ADCY2: variants seen among roughly 807,000 people sequenced by gnomAD.
ADCY2 encodes adenylate cyclase type 2.
A neutral mutation model predicts 125.2 loss-of-function variants in ADCY2; 31 were observed. The observed-to-expected ratio is 0.25, with a 90% CI of 0.19 to 0.33. The LOEUF (loss-of-function observed/expected upper bound fraction) is 0.33. Ranked by LOEUF, ADCY2 falls within the 10% of genes least tolerant of loss-of-function variation. ADCY2 has a pLI of 1.00. For missense variants in ADCY2, 904 were observed against 1,418.2 expected, an observed-to-expected ratio of 0.64 and a Z score of 5.82; for synonymous variants, 512 against 548.4, an observed-to-expected ratio of 0.93 and a Z score of 0.93.
At chr5:7,416,812 T>A (rs984482270) in intron 2 of ADCY2, among the ~76,000 whole-genome samples, 2 of 152,172 alleles carry the variant, frequency 1.3e-5, no homozygotes, top group Admixed American at 1.3e-4. Context: ...ACAGTTAAGA[T>A]CCTGCTGGTC....
chr5:7,708,647 C>T (rs1741340859), intron 9 of ADCY2, among the ~76,000 whole-genome samples: 3 of 152,162 alleles, frequency 2.0e-5, no homozygotes, highest in African/African-American at 7.2e-5. Flanking sequence ...ACAAGATCAA[C>T]TTTATGGACA....
intron 2 of ADCY2, among the ~76,000 whole-genome samples, chr5:7,425,298 G>A (rs147335840): frequency 6.6e-6 from 1 of 152,336 alleles, no homozygotes; most frequent in Non-Finnish European, 1.5e-5. Flanking sequence ...CAATGGAGGT[G>A]TTTTTGATGG....
At chr5:7,433,900 A>G (rs1475993465) in intron 2 of ADCY2, among the ~76,000 whole-genome samples, 1 of 152,202 alleles carries the variant, frequency 6.6e-6, no homozygotes, top group African/African-American at 2.4e-5. Context: ...TCAGATTCCT[A>G]CTTCTGTCAT....
intron 3 of ADCY2, among the ~76,000 whole-genome samples, chr5:7,589,506 G>GAAAGAAAGAAAAGA (rs530283052): frequency 1.4e-3 from 127 of 93,850 alleles, no homozygotes; most frequent in Middle Eastern, 5.0e-3. Flanking sequence ...AAGAAAGAAA[G>GAAAGAAAGAAAAGA]AAAGAAAAGA....
intron 2 of ADCY2, among the ~76,000 whole-genome samples, chr5:7,434,421 T>C (rs1376689741): frequency 2.0e-5 from 3 of 152,238 alleles, no homozygotes; most frequent in African/African-American, 7.2e-5. Context: ...GCAGATGTAG[T>C]AGGCTGTGTG....
intron 3 of ADCY2, among the ~76,000 whole-genome samples, chr5:7,572,052 T>C (rs1736082082): frequency 6.6e-6 from 1 of 152,200 alleles, no homozygotes; most frequent in South Asian, 2.1e-4. Context: ...GACGGGCATT[T>C]AGTTTGATTC....
chr5:7,700,940 T>C (rs1741057855), intron 7 of ADCY2, among the ~76,000 whole-genome samples: 1 of 152,004 alleles, frequency 6.6e-6, no homozygotes, highest in African/African-American at 2.4e-5. Context: ...GTGTGAGAAA[T>C]AGCCATAATT....
At chr5:7,401,902 G>A (rs1739276181) in intron 1 of ADCY2, among the ~76,000 whole-genome samples, 1 of 152,196 alleles carries the variant, frequency 6.6e-6, no homozygotes, top group Non-Finnish European at 1.5e-5. Context: ...TACTCCACTG[G>A]TATATGGGTT....
At chr5:7,798,573 C>CTTTTTTTT (rs150114974) in intron 20 of ADCY2, 2 of 115,344 alleles carry the variant, frequency 1.7e-5, no homozygotes, top group Non-Finnish European at 1.7e-5. Flanking sequence ...TTGACTATTT[C>CTTTTTTTT]TTTTTTTTTT....
intron 14 of ADCY2, among the ~76,000 whole-genome samples, chr5:7,738,481 A>G (rs1489300058): frequency 6.6e-6 from 1 of 152,092 alleles, no homozygotes; most frequent in Non-Finnish European, 1.5e-5. Flanking sequence ...TTGAAGTAGT[A>G]GCAACAAATG....
chr5:7,442,789 C>A (rs1432964959), intron 2 of ADCY2, among the ~76,000 whole-genome samples: 3 of 152,194 alleles, frequency 2.0e-5, no homozygotes, highest in African/African-American at 7.2e-5. Context: ...ACTTTCTCAA[C>A]AACTGCTAAT....
At chr5:7,788,702 A>ATG (rs1744158827) in intron 19 of ADCY2, among the ~76,000 whole-genome samples, 1 of 152,150 alleles carries the variant, frequency 6.6e-6, no homozygotes, top group Admixed American at 6.5e-5. Context: ...ATCTGTGTGC[A>ATG]TGTGTGTGTG....
At chr5:7,403,937 T>TACACACAC (rs370540720) in intron 1 of ADCY2, among the ~76,000 whole-genome samples, 2,528 of 140,502 alleles carry the variant, frequency 0.018, 35 homozygotes, top group African/African-American at 0.045. Flanking sequence ...CTTTCAATGC[T>TACACACAC]ACACACACAC....
chr5:7,825,452 C>T (rs1376024485), intron 24 of ADCY2, among the ~76,000 whole-genome samples: 1 of 152,246 alleles, frequency 6.6e-6, no homozygotes, highest in Non-Finnish European at 1.5e-5. Context: ...CCCTGTCACA[C>T]CCACCTGGCA....
chr5:7,469,675 A>G (rs968163762), intron 2 of ADCY2, among the ~76,000 whole-genome samples: 2 of 151,470 alleles, frequency 1.3e-5, no homozygotes, highest in African/African-American at 4.8e-5. Context: ...TTATTATTCT[A>G]TGGTTTTTTT....
intron 15 of ADCY2, among the ~76,000 whole-genome samples, chr5:7,754,264 T>C (rs1742918021): frequency 6.6e-6 from 1 of 152,240 alleles, no homozygotes; most frequent in South Asian, 2.1e-4. Context: ...TATCACCACG[T>C]ATTTTTCTAA....
intron 2 of ADCY2, among the ~76,000 whole-genome samples, chr5:7,469,790 G>C (rs1439629974): frequency 6.6e-6 from 1 of 151,526 alleles, no homozygotes; most frequent in Non-Finnish European, 1.5e-5. Flanking sequence ...AAGTTAATTT[G>C]GGAATAATAA....
chr5:7,484,530 C>T (rs931674797), intron 2 of ADCY2, among the ~76,000 whole-genome samples: 2 of 152,162 alleles, frequency 1.3e-5, no homozygotes, highest in African/African-American at 4.8e-5. Flanking sequence ...GACAATTCCA[C>T]GTCTTCTCTC....
chr5:7,501,856 T>A (rs1743607071), intron 2 of ADCY2, among the ~76,000 whole-genome samples: 1 of 151,972 alleles, frequency 6.6e-6, no homozygotes, highest in South Asian at 2.1e-4. Context: ...GCCCTCAGGC[T>A]AGGTCCACTA....
Sources: gnomAD v4.1 joint callset for allele counts (sites outside exome capture counted in the v4.1 genomes callset) on GRCh38, gnomAD v4.1.1 for gene constraint, MANE v1.5 for transcripts, NCBI Gene and HGNC (gene_info 2026-07-23, HGNC 2026-07-21) for gene names.